The following TFB2M variants were observed in gnomAD, a reference collection of about 807,000 sequenced individuals.
The protein encoded by TFB2M is dimethyladenosine transferase 2, mitochondrial.
Under a neutral mutation model 41.3 loss-of-function variants are expected in TFB2M, and 44 were observed. The ratio of observed to expected loss-of-function variants is 1.07; its 90% CI spans 0.84 to 1.37. TFB2M has a LOEUF of 1.37. Among genes scored for constraint, TFB2M ranks in the 40% most tolerant of loss-of-function variants. The probability of loss-of-function intolerance (pLI) is 0.00; values close to 1 mark genes in which losing one functional copy is unlikely to be tolerated. For missense variants in TFB2M, 496 were observed against 490.2 expected, an observed-to-expected ratio of 1.01 and a Z score of -0.11; for synonymous variants, 188 against 176.8, an observed-to-expected ratio of 1.06 and a Z score of -0.50.
intron 4 of TFB2M, among the ~76,000 whole-genome samples, chr1:246,556,267 AT>A (rs892709296): frequency 1.3e-5 from 2 of 152,232 alleles, no homozygotes; most frequent in African/African-American, 2.4e-5. Flanking sequence ...AAGTAGAATA[AT>A]GATTACTAGG....
intron 6 of TFB2M, among the ~76,000 whole-genome samples, chr1:246,547,744 T>C (rs1659061483): frequency 6.7e-6 from 1 of 149,712 alleles, no homozygotes; most frequent in African/African-American, 2.5e-5. Flanking sequence ...AGTCAAAAAA[T>C]TGTTTTGTGA....
rs190937612 is a variant in TFB2M at position 246,561,712 on chromosome 1, G to T, written c.402+2634C>A. ...TTGAACTCCTGACCTCAAGTGACCTGCCCGCCTTGGCCTCCCAAAGTGCTG... is the reference window on the plus strand; with the variant it reads ...TTGAACTCCTGACCTCAAGTGACCTTCCCGCCTTGGCCTCCCAAAGTGCTG... On this transcript the variant is annotated intron_variant, in intron 2 of 7. Coordinates refer to ENST00000366514, the MANE Select transcript of TFB2M (RefSeq NM_022366.3). Among the ~76,000 whole-genome samples the T allele has an allele frequency of 2.7e-3, 412 of 152,230 alleles. 3 individuals are homozygous for T. Among genetic ancestry groups the T allele is most frequent in the African/African-American group, 9.5e-3 (394 of 41,534 alleles).
intron 5 of TFB2M, among the ~76,000 whole-genome samples, chr1:246,550,862 G>A (rs1414357985): frequency 6.6e-6 from 1 of 151,974 alleles, no homozygotes; most frequent in Non-Finnish European, 1.5e-5. Context: ...CAGCCTGGGT[G>A]ACTTGAGTGA....
intron 7 of TFB2M, 121 bp from the exon 8 acceptor site, chr1:246,541,323 T>C: frequency 1.1e-6 from 1 of 895,856 alleles, no homozygotes; most frequent in Non-Finnish European, 1.7e-6. Context: ...CAGAGTGCTA[T>C]AATGGACACG....
In TFB2M at chr1:246,541,078, C is replaced by G; in HGVS notation, c.1144G>C (p.Asp382His). Residue 382 changes from aspartate (D) to histidine (H), a missense_variant, in exon 8 of 8, where the codon GAT (aspartate) becomes CAT (histidine). Coordinates refer to ENST00000366514, the MANE Select transcript of TFB2M (RefSeq NM_022366.3). ...TCATACAGCCATTTATAAGCACAATCTTTGGAACGCTCTATAGTTTCAAAA... is the reference window on the plus strand; with the variant it reads ...TCATACAGCCATTTATAAGCACAATGTTTGGAACGCTCTATAGTTTCAAAA... The part of the protein sequence containing the change: ...TLFETIERSK[D>H]CAYKWLYDET... 1.2e-6 allele frequency: 2 copies of G among 1,613,620 alleles called. No individual in the cohort carries two copies. The highest frequency in any genetic ancestry group is 1.7e-6 in the Non-Finnish European group (2 of 1,179,770).
At chr1:246,541,431 C>CT (rs11397888) in intron 7 of TFB2M, among the ~76,000 whole-genome samples, 1 of 152,062 alleles carries the variant, frequency 6.6e-6, no homozygotes. Context: ...ACTATTTGGG[C>CT]ATGGGTACAC....
intron 7 of TFB2M, 85 bp downstream of exon 7, chr1:246,544,436 C>T: frequency 8.0e-7 from 1 of 1,249,706 alleles, no homozygotes. Context: ...CTCTGTCAAT[C>T]AAGATATAAA....
intron 4 of TFB2M, 25 bp from the exon 5 acceptor site, chr1:246,551,327 C>T (rs751874239): frequency 6.7e-7 from 1 of 1,488,540 alleles, no homozygotes; most frequent in South Asian, 1.1e-5. Context: ...ATAAAAATTA[C>T]ATGTTATACA....
chr1:246,562,661 CTTTT>C (rs549675853), intron 2 of TFB2M, among the ~76,000 whole-genome samples: 2 of 145,112 alleles, frequency 1.4e-5, no homozygotes, highest in Non-Finnish European at 3.0e-5. Flanking sequence ...CCATAGGGAA[CTTTT>C]TTTTTTTTTT....
intron 7 of TFB2M, among the ~76,000 whole-genome samples, chr1:246,543,440 T>C (rs1401341810): frequency 2.0e-5 from 3 of 151,980 alleles, no homozygotes; most frequent in Non-Finnish European, 4.4e-5. Flanking sequence ...CCAACACTAC[T>C]TACAGAGATG....
chr1:246,558,136 A>G (rs1267232941), intron 2 of TFB2M, among the ~76,000 whole-genome samples: 1 of 146,582 alleles, frequency 6.8e-6, no homozygotes, highest in Non-Finnish European at 1.5e-5. Context: ...AAACTATCAT[A>G]AATTTTTCTT....
intron 2 of TFB2M, among the ~76,000 whole-genome samples, chr1:246,557,914 C>T (rs1158700864): frequency 6.6e-6 from 1 of 152,160 alleles, no homozygotes; most frequent in Admixed American, 6.5e-5. Context: ...CATGATACGT[C>T]CACCTTGGCC....
chr1:246,560,948 C>T (rs1039337435), intron 2 of TFB2M, among the ~76,000 whole-genome samples: 2 of 152,250 alleles, frequency 1.3e-5, no homozygotes, highest in Admixed American at 6.5e-5. Context: ...CACGTCTCTA[C>T]TAAAAATACA....
chr1:246,555,792 C>T (rs1254351726), intron 4 of TFB2M, among the ~76,000 whole-genome samples: 1 of 147,070 alleles, frequency 6.8e-6, no homozygotes, highest in African/African-American at 2.4e-5. Flanking sequence ...TATATATATA[C>T]AATAGATTTT....
chr1:246,566,239 C>T lies in TFB2M; in HGVS notation c.-101G>A, dbSNP rs1558518213. The T allele has an allele frequency of 4.0e-6, 5 of 1,261,762 alleles. No homozygotes were observed. Among genetic ancestry groups the T allele is most frequent in the South Asian group, 3.0e-5 (2 of 67,764 alleles). The allele number at this position is 1,261,762 out of a possible 1,614,324, so 78.2% of individuals were successfully genotyped here. A position where few individuals can be genotyped will look rare whatever the true frequency, so the allele number is the denominator to read the frequency against. ...GTGGAACATTTTCTGGCGTCCGGGC[C>T]AGGTCAAGCGGAAGTAAACACTAGA... On this transcript the variant is annotated 5_prime_UTR_variant, in exon 1 of 8. Transcript: ENST00000366514.
chr1:246,545,021 G>T (rs1021693260), intron 6 of TFB2M, among the ~76,000 whole-genome samples: 13 of 151,506 alleles, frequency 8.6e-5, no homozygotes, highest in Admixed American at 2.6e-4. Context: ...TAGCCAGGAT[G>T]GTCTCGATCT....
intron 2 of TFB2M, 97 bp from the exon 3 acceptor site, chr1:246,557,631 G>A (rs927715387): frequency 1.1e-5 from 11 of 1,036,222 alleles, no homozygotes; most frequent in African/African-American, 5.1e-5. Flanking sequence ...ATAATAAAAT[G>A]TAAAAATAAA....
At chr1:246,552,048 T>TA (rs1659200150) in intron 4 of TFB2M, among the ~76,000 whole-genome samples, 1 of 152,218 alleles carries the variant, frequency 6.6e-6, no homozygotes, top group South Asian at 2.1e-4. Context: ...ATAAAAATCT[T>TA]AATCTTCTTT....
At chr1:246,559,111 T>A (rs1659393043) in intron 2 of TFB2M, among the ~76,000 whole-genome samples, 1 of 152,210 alleles carries the variant, frequency 6.6e-6, no homozygotes, top group South Asian at 2.1e-4. Context: ...TCTAGTAAAA[T>A]ACTTTTTCTT....
Sources: gnomAD v4.1 joint callset for allele counts (sites outside exome capture counted in the v4.1 genomes callset) on GRCh38, gnomAD v4.1.1 for gene constraint, MANE v1.5 for transcripts, NCBI Gene and HGNC (gene_info 2026-07-23, HGNC 2026-07-21) for gene names.